PDE7B: variants seen among roughly 807,000 people sequenced by gnomAD.
PDE7B encodes phosphodiesterase 7B.
Under a neutral mutation model 56.2 loss-of-function variants are expected in PDE7B, and 29 were observed. The ratio of observed to expected loss-of-function variants is 0.52; its 90% CI spans 0.38 to 0.70. PDE7B has a LOEUF of 0.70. Ranked by LOEUF, PDE7B falls within the 30% of genes least tolerant of loss-of-function variation. The pLI, the probability that PDE7B is intolerant of heterozygous loss-of-function variation, is 0.00. For missense variants in PDE7B, 490 were observed against 565.0 expected, an observed-to-expected ratio of 0.87 and a Z score of 1.35; for synonymous variants, 197 against 196.9, an observed-to-expected ratio of 1.00 and a Z score of 0.00.
At chr6:136,013,556 T>C (rs912955545) in intron 2 of PDE7B, among the ~76,000 whole-genome samples, 1 of 152,182 alleles carries the variant, frequency 6.6e-6, no homozygotes, top group Non-Finnish European at 1.5e-5. Flanking sequence ...CAGTAGCACA[T>C]GGGAGGCCGT....
chr6:136,112,721 C>T (rs1777769503), intron 3 of PDE7B: 1 of 152,026 alleles, frequency 6.6e-6, no homozygotes, highest in African/African-American at 2.4e-5. Flanking sequence ...GAGGGAACCT[C>T]TGTTATTGAT....
At chr6:136,054,405 T>G (rs915376100) in intron 2 of PDE7B, among the ~76,000 whole-genome samples, 6 of 152,190 alleles carry the variant, frequency 3.9e-5, no homozygotes, top group Non-Finnish European at 7.3e-5. Flanking sequence ...TTCTGTTTCA[T>G]TGGTCTATAT....
intron 6 of PDE7B, among the ~76,000 whole-genome samples, chr6:136,153,469 C>G (rs887744884): frequency 6.6e-6 from 1 of 152,154 alleles, no homozygotes; most frequent in Non-Finnish European, 1.5e-5. Context: ...CAAGAGTACT[C>G]TAAGCCTTAC....
chr6:135,926,026 A>G (rs1250070357), intron 1 of PDE7B, among the ~76,000 whole-genome samples: 1 of 136,490 alleles, frequency 7.3e-6, no homozygotes, highest in Non-Finnish European at 1.5e-5. Flanking sequence ...ATGACACTGT[A>G]GACTTCTTTA....
chr6:135,858,277 C>T (rs143040671), intron 1 of PDE7B, among the ~76,000 whole-genome samples: 2,949 of 152,072 alleles, frequency 0.019, 28 homozygotes, highest in African/African-American at 0.031. Flanking sequence ...CTCACCCTCC[C>T]AAGTAGCTGA....
At chr6:136,023,441 C>T (rs944587946) in intron 2 of PDE7B, among the ~76,000 whole-genome samples, 4 of 152,158 alleles carry the variant, frequency 2.6e-5, no homozygotes, top group Admixed American at 2.6e-4. Context: ...AGCAAAGGGG[C>T]CACCAAATCT....
intron 2 of PDE7B, among the ~76,000 whole-genome samples, chr6:135,974,190 C>T (rs1775144224): frequency 6.6e-6 from 1 of 151,964 alleles, no homozygotes; most frequent in Non-Finnish European, 1.5e-5. Context: ...TATGTGATTC[C>T]CATACATTAT....
chr6:136,042,814 A>G (rs1319827901), intron 2 of PDE7B, among the ~76,000 whole-genome samples: 3 of 152,240 alleles, frequency 2.0e-5, no homozygotes, highest in African/African-American at 7.2e-5. Flanking sequence ...ATAATCAAGA[A>G]GCATTTATGG....
intron 1 of PDE7B, among the ~76,000 whole-genome samples, chr6:135,903,663 T>G (rs1389886002): frequency 6.6e-6 from 1 of 152,192 alleles, no homozygotes; most frequent in African/African-American, 2.4e-5. Context: ...TGGGACATAA[T>G]TCCAATGAAT....
rs1332313713 is a variant in PDE7B, at chr6:136,187,117, G to A, written c.1126+1G>A. On this transcript the variant is annotated splice_donor_variant, in intron 12 of 12. Transcript: ENST00000308191. LOFTEE classifies it high-confidence loss of function. ...GATTCCATCCCTAGTATACAAATTG[G>A]TGAGTTGAATTCAGTGTTAATTCCA... 5.5e-6 allele frequency: 8 copies of A among 1,464,196 alleles called. No homozygotes were observed. The highest frequency in any genetic ancestry group is 7.6e-6 in the Non-Finnish European group (8 of 1,047,730). The allele number at this position is 1,464,196 out of a possible 1,614,324, so 90.7% of individuals were successfully genotyped here. A position where few individuals can be genotyped will look rare whatever the true frequency, so the allele number is the denominator to read the frequency against.
chr6:136,098,153 T>C (rs548801432), intron 2 of PDE7B: 1 of 117,720 alleles, frequency 8.5e-6, no homozygotes, highest in Non-Finnish European at 1.8e-5. Context: ...GGGGGAAATA[T>C]ATGTATATAT....
chr6:135,877,256 TTTTTTA>T (rs1562421370), intron 1 of PDE7B, among the ~76,000 whole-genome samples: 1 of 152,048 alleles, frequency 6.6e-6, no homozygotes, highest in Non-Finnish European at 1.5e-5. Context: ...TTCTTTTTTA[TTTTTTA>T]TTTTTATTAT....
intron 1 of PDE7B, among the ~76,000 whole-genome samples, chr6:135,870,542 A>G: frequency 6.6e-6 from 1 of 151,792 alleles, no homozygotes; most frequent in South Asian, 2.1e-4. Context: ...TCACAAGTAC[A>G]TATCACCTAA....
At chr6:136,151,636 A>G (rs746696097) in intron 6 of PDE7B, among the ~76,000 whole-genome samples, 5 of 138,520 alleles carry the variant, frequency 3.6e-5, no homozygotes, top group Non-Finnish European at 7.8e-5. Context: ...TTGTATTCTT[A>G]TAATAAAGTA....
chr6:136,184,447 A>C (rs553791185), intron 11 of PDE7B, among the ~76,000 whole-genome samples: 1 of 152,362 alleles, frequency 6.6e-6, no homozygotes, highest in East Asian at 1.9e-4. Flanking sequence ...GGTTAAATTT[A>C]AATTAAAAGT....
At chr6:135,947,355 G>T in intron 1 of PDE7B, 109 bp from the exon 2 acceptor site, 1 of 873,864 alleles carries the variant, frequency 1.1e-6, no homozygotes, top group South Asian at 1.5e-5. Context: ...GGTAACCAAT[G>T]AAAACAAAAG....
At chr6:136,146,431 A>G (rs1223254043) in intron 3 of PDE7B, among the ~76,000 whole-genome samples, 1 of 152,222 alleles carries the variant, frequency 6.6e-6, no homozygotes, top group Non-Finnish European at 1.5e-5. Context: ...GTATTAAAAT[A>G]TCTCTACTGG....
intron 2 of PDE7B, among the ~76,000 whole-genome samples, chr6:135,951,640 G>T (rs1774700957): frequency 6.6e-6 from 1 of 152,028 alleles, no homozygotes; most frequent in Admixed American, 6.6e-5. Context: ...CTTATTATTA[G>T]AATGGGATTT....
At chr6:135,928,519 T>TTA (rs1389032567) in intron 1 of PDE7B, among the ~76,000 whole-genome samples, 168 of 101,178 alleles carry the variant, frequency 1.7e-3, no homozygotes, top group African/African-American at 5.0e-3. Context: ...ATATATTTAT[T>TTA]TATATATATA....
Sources: allele counts gnomAD v4.1 joint callset (sites outside exome capture counted in the v4.1 genomes callset), GRCh38; gene constraint gnomAD v4.1.1; transcripts MANE v1.5; gene names NCBI Gene and HGNC (gene_info 2026-07-23, HGNC 2026-07-21).